Variants in AGBL1 observed in about 807,000 individuals in gnomAD.
AGBL1 encodes AGBL carboxypeptidase 1.
In AGBL1, 130 loss-of-function variants were observed where a neutral mutation model predicts 118.9. The ratio of observed to expected loss-of-function variants is 1.09; its 90% confidence interval spans 0.95 to 1.26. AGBL1 has a LOEUF of 1.26. Ranked by LOEUF, AGBL1 falls within the 50% of genes most tolerant of loss-of-function variation. The pLI is 0.00. For missense variants in AGBL1, 1,584 were observed against 1,298.1 expected, an observed-to-expected ratio of 1.22 and a Z score of -3.38; for synonymous variants, 555 against 478.9, an observed-to-expected ratio of 1.16 and a Z score of -2.08.
chr15:86,827,497 A>G (rs866789783), intron 22 of AGBL1, among the ~76,000 whole-genome samples: 1 of 39,726 alleles, frequency 2.5e-5, no homozygotes, highest in Non-Finnish European at 4.9e-5. Flanking sequence ...GTGTATATAT[A>G]TATATATATA....
At chr15:86,918,534 T>C (rs1195999086), downstream of AGBL1, among the ~76,000 whole-genome samples, 1 of 118,348 alleles carries the variant, frequency 8.4e-6, no homozygotes, top group African/African-American at 2.6e-5. Context: ...GGAGACCCAG[T>C]CTCAAAAAAT....
intron 23 of AGBL1, among the ~76,000 whole-genome samples, chr15:86,983,401 G>A (rs1053269546): frequency 6.6e-6 from 1 of 152,074 alleles, no homozygotes; most frequent in East Asian, 1.9e-4. Flanking sequence ...TATAAGGCTT[G>A]AAATATAATA....
chr15:86,719,090 T>C (rs1054757819), intron 22 of AGBL1, among the ~76,000 whole-genome samples: 2 of 152,114 alleles, frequency 1.3e-5, no homozygotes, highest in Non-Finnish European at 2.9e-5. Context: ...CTGGGAAACA[T>C]ACCATCAAAA....
intron 24 of AGBL1, among the ~76,000 whole-genome samples, chr15:87,019,252 G>A (rs889506019): frequency 1.3e-5 from 2 of 151,946 alleles, no homozygotes; most frequent in African/African-American, 2.4e-5. Context: ...ACCTGAACTC[G>A]GCTCTGGATC....
chr15:86,628,159 A>C (rs28678825), intron 21 of AGBL1, among the ~76,000 whole-genome samples: 2 of 151,562 alleles, frequency 1.3e-5, no homozygotes, highest in African/African-American at 2.4e-5. Context: ...TTTGTTACAT[A>C]GCTTGCTGGG....
At chr15:86,195,735 C>A (rs2077791313) in intron 5 of AGBL1, among the ~76,000 whole-genome samples, 1 of 152,128 alleles carries the variant, frequency 6.6e-6, no homozygotes, top group Non-Finnish European at 1.5e-5. Context: ...GTTTAAATGG[C>A]AACTAAACCA....
intron 22 of AGBL1, among the ~76,000 whole-genome samples, chr15:86,801,377 C>G (rs1490911012): frequency 6.6e-6 from 1 of 150,890 alleles, no homozygotes; most frequent in Non-Finnish European, 1.5e-5. Context: ...TCTTAAAAGC[C>G]CCTCAGAAAC....
chr15:86,977,151 A>T (rs2081184176), intron 23 of AGBL1, among the ~76,000 whole-genome samples: 1 of 151,874 alleles, frequency 6.6e-6, no homozygotes, highest in African/African-American at 2.4e-5. Flanking sequence ...ATGAGGTAAC[A>T]TTTTCCATTT....
chr15:86,402,997 A>G (rs116109949), intron 18 of AGBL1, among the ~76,000 whole-genome samples: 2,572 of 152,288 alleles, frequency 0.017, 73 homozygotes, highest in African/African-American at 0.058. Flanking sequence ...GTTTCTTGAC[A>G]CTTAAAAATC....
chr15:86,321,884 G>A (rs2080110177), intron 17 of AGBL1, among the ~76,000 whole-genome samples: 1 of 149,886 alleles, frequency 6.7e-6, no homozygotes, highest in Non-Finnish European at 1.5e-5. Context: ...TTTTTTTATT[G>A]TTACTTTTTT....
chr15:86,574,936 A>G (rs2084065576), intron 21 of AGBL1, among the ~76,000 whole-genome samples: 1 of 151,766 alleles, frequency 6.6e-6, no homozygotes, highest in African/African-American at 2.4e-5. Flanking sequence ...CACACCTGTA[A>G]TCCCAGCACT....
intron 17 of AGBL1, among the ~76,000 whole-genome samples, chr15:86,331,100 T>A (rs1442284230): frequency 6.6e-6 from 1 of 151,678 alleles, no homozygotes; most frequent in African/African-American, 2.4e-5. Flanking sequence ...GGTGTGCACC[T>A]GTAATCCCAG....
At chr15:86,838,910 A>C (rs1192043719) in intron 22 of AGBL1, among the ~76,000 whole-genome samples, 1 of 123,590 alleles carries the variant, frequency 8.1e-6, no homozygotes, top group Non-Finnish European at 1.6e-5. Flanking sequence ...TGGCCACTGC[A>C]CTCCACCCCG....
chr15:86,735,975 G>T (rs1032322706), intron 22 of AGBL1, among the ~76,000 whole-genome samples: 1 of 152,100 alleles, frequency 6.6e-6, no homozygotes, highest in Non-Finnish European at 1.5e-5. Context: ...ATTTATGGAG[G>T]TGCCAGCACA....
intron 5 of AGBL1, among the ~76,000 whole-genome samples, chr15:86,190,333 A>C (rs1419793306): frequency 6.6e-6 from 1 of 152,146 alleles, no homozygotes; most frequent in African/African-American, 2.4e-5. Context: ...ACTATTAATT[A>C]CTACTAACTA....
intron 22 of AGBL1, among the ~76,000 whole-genome samples, chr15:86,688,570 C>T (rs113479694): frequency 2.0e-5 from 3 of 152,188 alleles, no homozygotes; most frequent in African/African-American, 7.2e-5. Flanking sequence ...ATGCAGATGT[C>T]AGGAGGGCAT....
chr15:86,107,915 C>A (rs1185225322), intron 1 of AGBL1, among the ~76,000 whole-genome samples: 1 of 152,142 alleles, frequency 6.6e-6, no homozygotes, highest in Admixed American at 6.6e-5. Flanking sequence ...AGTAGTACCT[C>A]ATTTTTTATA....
At chr15:86,897,086 C>T (rs922244717) in intron 22 of AGBL1, among the ~76,000 whole-genome samples, 2 of 152,312 alleles carry the variant, frequency 1.3e-5, no homozygotes, top group Admixed American at 1.3e-4. Flanking sequence ...TTGGCCTTTT[C>T]TGTCATTAGG....
chr15:86,148,610 A>C (rs944398653), intron 3 of AGBL1, among the ~76,000 whole-genome samples: 1 of 152,232 alleles, frequency 6.6e-6, no homozygotes, highest in Non-Finnish European at 1.5e-5. Context: ...AAAGCCTCCA[A>C]GAAATATGGG....
Sources: allele counts gnomAD v4.1 joint callset (sites outside exome capture counted in the v4.1 genomes callset), GRCh38; gene constraint gnomAD v4.1.1; transcripts MANE v1.5; gene names NCBI Gene and HGNC (gene_info 2026-07-23, HGNC 2026-07-21).